AP3B1: variants seen among roughly 807,000 people sequenced by gnomAD.
AP3B1 encodes the protein AP-3 complex subunit beta-1.
Under a neutral mutation model 132.5 loss-of-function variants are expected in AP3B1, and 61 were observed. The observed-to-expected ratio is 0.46, with a 90% CI of 0.37 to 0.57. AP3B1 has a LOEUF of 0.57. AP3B1 is among the 20% of genes least tolerant of loss of function. AP3B1 has a pLI of 0.00. For synonymous variants in AP3B1, 388 were observed against 438.3 expected (o/e 0.89, Z 1.43); for missense variants, 1,120 against 1,289.4 (o/e 0.87, Z 2.01).
At chr5:78,210,938 ATACT>A (rs971617927) in intron 7 of AP3B1, among the ~76,000 whole-genome samples, 4 of 152,170 alleles carry the variant, frequency 2.6e-5, no homozygotes, top group Middle Eastern at 3.2e-3. Context: ...GACAAATAAA[ATACT>A]TAAACAATTT....
At chr5:78,277,025 A>G (rs1335778599) in intron 1 of AP3B1, among the ~76,000 whole-genome samples, 1 of 152,208 alleles carries the variant, frequency 6.6e-6, no homozygotes, top group Non-Finnish European at 1.5e-5. Flanking sequence ...TAATAAAGAT[A>G]CAAGAAGAAT....
rs528950515 is a variant in AP3B1, at chr5:78,260,360, GCAGATCACCAGAGGT to G, written c.204+7145_204+7159del. 1.1e-3 allele frequency among the ~76,000 whole-genome samples: 160 copies of G among 152,228 alleles called. 1 individual carries two copies. The highest frequency in any genetic ancestry group is 3.7e-3 in the African/African-American group (155 of 41,540). On this transcript the variant is annotated intron_variant, in intron 2 of 26. Transcript: ENST00000255194. Reference sequence around the variant, plus strand: ...CCATCACTTTGGGAGGCCGAGGAGGGCAGATCACCAGAGGTCAGATCACCAGAGGTCAGGAGTTCA... The same window carrying G: ...CCATCACTTTGGGAGGCCGAGGAGGGCAGATCACCAGAGGTCAGGAGTTCA...
At position 78,213,267 on chromosome 5, in the gene AP3B1, G is replaced by A. The variant is rs553742834; in HGVS notation, c.786+2788C>T. On this transcript the variant is annotated intron_variant, in intron 7 of 26. Transcript: ENST00000255194. ...CAAGCCTAGATCAGAAAGCACTGAA[G>A]ACTATAAATGGCTACACTGCTCACT... 6.2e-4 allele frequency among the ~76,000 whole-genome samples: 95 copies of A among 152,308 alleles called. 3 individuals are homozygous for A. In the South Asian group the frequency reaches 0.019, roughly 30 times the overall value.
At chr5:78,256,932 C>T (rs1389724383) in intron 2 of AP3B1, among the ~76,000 whole-genome samples, 1 of 152,084 alleles carries the variant, frequency 6.6e-6, no homozygotes, top group Non-Finnish European at 1.5e-5. Context: ...ATGATCATTT[C>T]AATTGATGCT....
At chr5:78,275,069 T>C (rs1047309396) in intron 1 of AP3B1, among the ~76,000 whole-genome samples, 14 of 152,184 alleles carry the variant, frequency 9.2e-5, no homozygotes, top group African/African-American at 2.9e-4. Flanking sequence ...CATCTATAGA[T>C]AATACAAAAA....
chr5:78,193,740 TTTTTTATA>T (rs1379707838), intron 7 of AP3B1, among the ~76,000 whole-genome samples: 4 of 41,710 alleles, frequency 9.6e-5, no homozygotes, highest in Admixed American at 3.5e-4. Flanking sequence ...TTGTATATAT[TTTTTTATA>T]TATATATATA....
intron 14 of AP3B1, 118 bp from the exon 15 acceptor site, chr5:78,141,437 CTAGGAATTAATCCTGTATTTATG>C: frequency 1.3e-6 from 1 of 744,728 alleles, no homozygotes; most frequent in East Asian, 2.7e-5. Context: ...TAATGTATAT[CTAGGAATTAATCCTGTATTTATG>C]AATTTTCGTC....
In AP3B1 at chr5:78,045,637, C is replaced by T. The variant is rs963634544; in HGVS notation, c.2578-6363G>A. 7.9e-5 allele frequency among the ~76,000 whole-genome samples: 12 copies of T among 152,084 alleles called. 1 individual carries two copies. The highest frequency in any genetic ancestry group is 2.7e-4 in the African/African-American group (11 of 41,408). On this transcript the variant is annotated intron_variant, in intron 22 of 26. Coordinates refer to ENST00000255194, the MANE Select transcript of AP3B1 (RefSeq NM_003664.5). ...TTAGTTCAATATTTTGTACATCAGA[C>T]CAGATACCTATATTCCAGAAATACA...
At chr5:78,167,217 G>A (rs1224024040) in intron 11 of AP3B1, among the ~76,000 whole-genome samples, 1 of 151,836 alleles carries the variant, frequency 6.6e-6, no homozygotes, top group Non-Finnish European at 1.5e-5. Flanking sequence ...ATACACAAAC[G>A]GCCAAGAAGC....
At chr5:78,120,648 C>G (rs1471883284) in intron 17 of AP3B1, among the ~76,000 whole-genome samples, 12 of 151,850 alleles carry the variant, frequency 7.9e-5, no homozygotes, top group Admixed American at 2.0e-4. Context: ...GCTAACTATC[C>G]TAAATATATA....
chr5:78,199,903 A>C (rs576058932), intron 7 of AP3B1, among the ~76,000 whole-genome samples: 1 of 152,268 alleles, frequency 6.6e-6, no homozygotes, highest in African/African-American at 2.4e-5. Flanking sequence ...TCAAAAAGGG[A>C]CTATTTATTC....
chr5:78,198,814 T>C (rs1745173487), intron 7 of AP3B1, among the ~76,000 whole-genome samples: 1 of 152,222 alleles, frequency 6.6e-6, no homozygotes. Flanking sequence ...AATTAGTTAC[T>C]AAGCAGGAAG....
At chr5:78,040,846 A>C (rs1171316565) in intron 22 of AP3B1, among the ~76,000 whole-genome samples, 1 of 152,208 alleles carries the variant, frequency 6.6e-6, no homozygotes, top group Non-Finnish European at 1.5e-5. Flanking sequence ...AATTATAGTA[A>C]TGATTTAAAG....
At chr5:78,120,418 A>T (rs567064191) in intron 17 of AP3B1, among the ~76,000 whole-genome samples, 1 of 152,350 alleles carries the variant, frequency 6.6e-6, no homozygotes, top group East Asian at 1.9e-4. Flanking sequence ...AAGAGTCAAG[A>T]CCCATCAGTG....
intron 20 of AP3B1, among the ~76,000 whole-genome samples, chr5:78,103,387 A>G (rs927488621): frequency 6.6e-6 from 1 of 152,140 alleles, no homozygotes; most frequent in Non-Finnish European, 1.5e-5. Flanking sequence ...GTAAAATGAG[A>G]ATTTCACACC....
At position 78,181,541 on chromosome 5, in the gene AP3B1, T is replaced by G. The variant is rs2112414100; in HGVS notation, c.908A>C (p.Asn303Thr). The G allele has an allele frequency of 6.2e-7, 1 of 1,613,240 alleles. No homozygotes were observed. Among genetic ancestry groups the G allele is most frequent in the Non-Finnish European group, 8.5e-7 (1 of 1,179,588 alleles). The change falls in exon 8 of 27, where the codon AAT (asparagine) becomes ACT (threonine). Residue 303 changes from asparagine to threonine, a missense_variant. This residue lies in a region of AP3B1 where 906 missense variants were observed against 997.1 expected (regional missense o/e 0.91). Coordinates refer to ENST00000255194, the MANE Select transcript of AP3B1 (RefSeq NM_003664.5). ...MDPDHRLLIR[N>T]TKPLLQSRNA... ...CCTGCTCTGAAGCAAAGGCTTTGTA[T>G]TTCTAATTAAGAGTCTATGATCTGG...
intron 8 of AP3B1, among the ~76,000 whole-genome samples, chr5:78,181,147 T>C (rs1389019398): frequency 6.6e-6 from 1 of 152,080 alleles, no homozygotes; most frequent in East Asian, 1.9e-4. Flanking sequence ...TAAGAGCTAA[T>C]ATAATCCAAC....
intron 14 of AP3B1, among the ~76,000 whole-genome samples, chr5:78,155,354 C>G (rs757201288): frequency 6.6e-6 from 1 of 152,162 alleles, no homozygotes; most frequent in African/African-American, 2.4e-5. Context: ...GTCTTTCCTA[C>G]CCTCTTCAGT....
At chr5:78,024,769 G>A (rs1305215046) in intron 24 of AP3B1, among the ~76,000 whole-genome samples, 3 of 151,640 alleles carry the variant, frequency 2.0e-5, no homozygotes, top group African/African-American at 7.3e-5. Flanking sequence ...CACCATGTTG[G>A]CCAGGCTAGT....
Sources: allele counts gnomAD v4.1 joint callset (sites outside exome capture counted in the v4.1 genomes callset), GRCh38; gene constraint gnomAD v4.1.1; regional missense constraint gnomAD v4.1.1; transcripts MANE v1.5; gene names NCBI Gene and HGNC (gene_info 2026-07-23, HGNC 2026-07-21).